DLC1: variants seen among roughly 807,000 people sequenced by gnomAD.
The protein encoded by DLC1 is rho GTPase-activating protein 7.
Under a neutral mutation model 140.3 loss-of-function variants are expected in DLC1, and 54 were observed. The ratio of observed to expected loss-of-function variants is 0.38; its 90% CI spans 0.31 to 0.48. The LOEUF (loss-of-function observed/expected upper bound fraction) is 0.48. DLC1 is among the 20% of genes least tolerant of loss of function. The pLI is 0.96. For synonymous variants in DLC1, 986 were observed against 728.1 expected (o/e 1.35, Z -5.70); for missense variants, 2,536 against 1,907.0 (o/e 1.33, Z -6.14).
At chr8:13,382,699 T>C (rs1408492055) in intron 4 of DLC1, among the ~76,000 whole-genome samples, 2 of 152,034 alleles carry the variant, frequency 1.3e-5, no homozygotes, top group African/African-American at 4.8e-5. Context: ...GAAAATATGG[T>C]CTCAAAATAA....
At chr8:13,458,809 C>T (rs533889317) in intron 2 of DLC1, among the ~76,000 whole-genome samples, 1 of 149,592 alleles carries the variant, frequency 6.7e-6, no homozygotes, top group Admixed American at 6.7e-5. Flanking sequence ...AAAAACCAAG[C>T]CCACAGTCTT....
chr8:13,294,857 A>T (rs111672959), intron 5 of DLC1, among the ~76,000 whole-genome samples: 42 of 152,276 alleles, frequency 2.8e-4, no homozygotes, highest in African/African-American at 1.0e-3. Context: ...CAGGTTCTTC[A>T]ACTGTATAAT....
At position 13,532,012 on chromosome 8, in the gene DLC1, C is replaced by T. The variant is rs146651767; in HGVS notation, c.-125-31816G>A. Among the ~76,000 whole-genome samples, 9 of 152,314 alleles carry T rather than the reference C, an allele frequency of 5.9e-5. No individual in the cohort carries two copies. The East Asian group carries it at 7.7e-4, about 13-fold the overall frequency. ...AAGGAAAGATTTTCTAGTCTCCAGG[C>T]AGAAGCCTAAGTCTAGCTTATGATA... On this transcript the variant is annotated intron_variant, in intron 1 of 1. Transcript: ENST00000631382.
intron 2 of DLC1, among the ~76,000 whole-genome samples, chr8:13,404,203 T>C (rs1002641026): frequency 1.3e-5 from 2 of 152,064 alleles, no homozygotes; most frequent in Non-Finnish European, 2.9e-5. Context: ...GAGCAGGAAA[T>C]GGGTGGGCTA....
At chr8:13,090,716 G>C (rs546715268) in intron 14 of DLC1, among the ~76,000 whole-genome samples, 3 of 152,164 alleles carry the variant, frequency 2.0e-5, no homozygotes, top group South Asian at 2.1e-4. Flanking sequence ...AGTAGGGGGA[G>C]TGAATTACAT....
chr8:13,498,979 A>C, intron 2 of DLC1, 70 bp downstream of exon 2: 1 of 1,494,560 alleles, frequency 6.7e-7, no homozygotes, highest in Non-Finnish European at 8.9e-7. Flanking sequence ...ATCCAAGCAA[A>C]ATGATAACTG....
At chr8:13,425,147 C>G (rs146639795) in intron 2 of DLC1, among the ~76,000 whole-genome samples, 1 of 151,878 alleles carries the variant, frequency 6.6e-6, no homozygotes, top group Non-Finnish European at 1.5e-5. Flanking sequence ...GTCATTATCT[C>G]TCAGGGAAAT....
At chr8:13,470,183 T>C (rs758057105) in intron 2 of DLC1, among the ~76,000 whole-genome samples, 5 of 152,216 alleles carry the variant, frequency 3.3e-5, no homozygotes, top group Non-Finnish European at 5.9e-5. Flanking sequence ...ATATTTGTCT[T>C]ATCTGACTAC....
At position 13,162,638 on chromosome 8, in the gene DLC1, T is replaced by C. The variant is rs1326965810; in HGVS notation, c.1349-46981A>G. On this transcript the variant is annotated intron_variant, in intron 5 of 17. Transcript: ENST00000276297. The stretch of plus-strand genomic sequence containing the variant: ...GCTCCCAGCCAGTAGGCTACAGTTT[T>C]AAACAACTGGGTTTGGCTGGTACAG... Among the ~76,000 whole-genome samples the C allele has an allele frequency of 3.9e-5, 6 of 152,254 alleles. No individual in the cohort carries two copies. In the East Asian group the frequency reaches 1.2e-3, roughly 30 times the overall value.
At chr8:13,111,262 A>T (rs148014573) in intron 6 of DLC1, among the ~76,000 whole-genome samples, 517 of 152,312 alleles carry the variant, frequency 3.4e-3, no homozygotes, top group African/African-American at 0.012. Flanking sequence ...CCACAGAAAG[A>T]TCTAGAGAAC....
chr8:13,419,334 T>C (rs1838208211), intron 2 of DLC1, among the ~76,000 whole-genome samples: 1 of 152,086 alleles, frequency 6.6e-6, no homozygotes, highest in Non-Finnish European at 1.5e-5. Context: ...CCATTCAGTA[T>C]GATATTGGCT....
At chr8:13,153,711 C>G (rs1386558587) in intron 5 of DLC1, among the ~76,000 whole-genome samples, 3 of 151,984 alleles carry the variant, frequency 2.0e-5, no homozygotes, top group African/African-American at 4.8e-5. Flanking sequence ...CTCCAAGTCC[C>G]CACTAGATTA....
chr8:13,479,844 GA>G lies in DLC1; in HGVS notation c.1023+19204del, dbSNP rs1157063386. ...AGAAGAAGAAGAAGAAGAAGAAGAA[GA>G]AGAAGAAGAAGAAGAGAAAAAGAAA... On this transcript the variant is annotated intron_variant, in intron 2 of 17. Transcript: ENST00000276297. Among the ~76,000 whole-genome samples the G allele has an allele frequency of 4.8e-3, 73 of 15,286 alleles. 2 individuals are homozygous for G. Among genetic ancestry groups the G allele is most frequent in the African/African-American group, 9.9e-3 (70 of 7,106 alleles). The allele number at this position is 15,286 out of a possible 152,430, so 10.0% of individuals were successfully genotyped here. A position where few individuals can be genotyped will look rare whatever the true frequency, so the allele number is the denominator to read the frequency against.
At chr8:13,585,664 G>C (rs907993122) in intron 1 of DLC1, among the ~76,000 whole-genome samples, 1 of 152,140 alleles carries the variant, frequency 6.6e-6, no homozygotes, top group Non-Finnish European at 1.5e-5. Flanking sequence ...GGGAGAATCT[G>C]TTCCATGCCT....
At chr8:13,315,453 G>C (rs933261043) in intron 4 of DLC1, among the ~76,000 whole-genome samples, 16 of 152,192 alleles carry the variant, frequency 1.1e-4, no homozygotes, top group African/African-American at 3.4e-4. Context: ...TGTCCTTGTT[G>C]GCACCTCTGA....
intron 16 of DLC1, 89 bp downstream of exon 16, chr8:13,088,398 T>C: frequency 6.9e-7 from 1 of 1,440,390 alleles, no homozygotes; most frequent in South Asian, 1.3e-5. Context: ...CTTTAAATAA[T>C]TATACCATCT....
intron 2 of DLC1, among the ~76,000 whole-genome samples, chr8:13,422,863 A>G (rs1011805785): frequency 6.6e-6 from 1 of 152,136 alleles, no homozygotes; most frequent in African/African-American, 2.4e-5. Flanking sequence ...AAACAAAAAG[A>G]TTCTGATTGG....
intron 5 of DLC1, among the ~76,000 whole-genome samples, chr8:13,278,979 G>A (rs971674930): frequency 2.6e-5 from 4 of 152,188 alleles, no homozygotes; most frequent in African/African-American, 4.8e-5. Context: ...ACTCGGAGCC[G>A]TCTGCCTCAA....
At chr8:13,333,186 C>A (rs957997542) in intron 4 of DLC1, among the ~76,000 whole-genome samples, 16 of 152,190 alleles carry the variant, frequency 1.1e-4, no homozygotes, top group Admixed American at 3.3e-4. Flanking sequence ...CAATGTTATA[C>A]AAGATTTTCT....
Sources: allele counts gnomAD v4.1 joint callset (sites outside exome capture counted in the v4.1 genomes callset), GRCh38; gene constraint gnomAD v4.1.1; transcripts MANE v1.5; gene names NCBI Gene and HGNC (gene_info 2026-07-23, HGNC 2026-07-21).